NR2F1-AS1: variants seen among roughly 807,000 people sequenced by gnomAD.
NR2F1-AS1 encodes the protein NR2F1 regulatory antisense RNA 1.
intron 4 of NR2F1-AS1, among the ~76,000 whole-genome samples, chr5:93,503,061 TA>T (rs2149886761): frequency 6.6e-6 from 1 of 152,222 alleles, no homozygotes; most frequent in East Asian, 1.9e-4. Flanking sequence ...CCTCATTTTC[TA>T]GTTTTGACTC....
intron 4 of NR2F1-AS1, among the ~76,000 whole-genome samples, chr5:93,507,691 A>G (rs1464228437): frequency 6.6e-6 from 1 of 152,182 alleles, no homozygotes; most frequent in Non-Finnish European, 1.5e-5. Context: ...GAATTGAAAA[A>G]ATAAAAATTA....
At chr5:93,496,704 C>T (rs1283257759) in intron 4 of NR2F1-AS1, among the ~76,000 whole-genome samples, 1 of 152,158 alleles carries the variant, frequency 6.6e-6, no homozygotes, top group African/African-American at 2.4e-5. Context: ...TTACATACCA[C>T]AATTTTTGTG....
chr5:93,571,409 T>G (rs1213053763), intron 1 of NR2F1-AS1: 4 of 149,668 alleles, frequency 2.7e-5, no homozygotes, highest in Middle Eastern at 6.8e-3. Context: ...CGGCAGGGAA[T>G]CCTGAGTTCC....
At chr5:93,468,119 G>A (rs528028075) in intron 4 of NR2F1-AS1, among the ~76,000 whole-genome samples, 160 of 152,280 alleles carry the variant, frequency 1.1e-3, no homozygotes, top group Middle Eastern at 6.8e-3. Context: ...AAACATACAC[G>A]TGCATGTGTC....
intron 4 of NR2F1-AS1, among the ~76,000 whole-genome samples, chr5:93,539,566 C>T (rs1014899691): frequency 6.6e-6 from 1 of 151,912 alleles, no homozygotes; most frequent in African/African-American, 2.4e-5. Context: ...ATTATAGAGG[C>T]AGAGAGAACA....
chr5:93,562,528 A>C (rs1006416957), intron 2 of NR2F1-AS1, among the ~76,000 whole-genome samples: 1 of 152,194 alleles, frequency 6.6e-6, no homozygotes, highest in Non-Finnish European at 1.5e-5. Context: ...TCCTGAGCTC[A>C]AGCGATCCAT....
chr5:93,513,584 A>G lies in NR2F1-AS1; in HGVS notation n.638+40177T>C, dbSNP rs553269711. ...AAACAAACACTATATATTCTCACTTATAAGTGGGAGCTAAACAATGGGTAC... is the reference window on the plus strand; with the variant it reads ...AAACAAACACTATATATTCTCACTTGTAAGTGGGAGCTAAACAATGGGTAC... On this transcript the variant is annotated intron_variant and non_coding_transcript_variant, in intron 4 of 5. Transcript: ENST00000660523. Among the ~76,000 whole-genome samples, 39 of 152,302 alleles carry G rather than the reference A, an allele frequency of 2.6e-4. No homozygotes were observed. The South Asian group carries it at 8.1e-3, about 32-fold the overall frequency.
At chr5:93,493,929 T>C (rs1750904747) in intron 4 of NR2F1-AS1, among the ~76,000 whole-genome samples, 1 of 152,190 alleles carries the variant, frequency 6.6e-6, no homozygotes, top group Non-Finnish European at 1.5e-5. Context: ...TTCATGACTT[T>C]AGATTTGGTA....
chr5:93,445,014 C>A (rs1284667267), intron 4 of NR2F1-AS1, among the ~76,000 whole-genome samples: 3 of 152,098 alleles, frequency 2.0e-5, no homozygotes, highest in African/African-American at 7.2e-5. Context: ...AGAACAAAGA[C>A]AAAACATACC....
At chr5:93,482,470 C>T (rs1197966780) in intron 4 of NR2F1-AS1, among the ~76,000 whole-genome samples, 1 of 152,108 alleles carries the variant, frequency 6.6e-6, no homozygotes, top group Non-Finnish European at 1.5e-5. Context: ...CAGGAGATTC[C>T]CTCCAGTGCC....
chr5:93,499,979 A>C (rs1751044099), intron 4 of NR2F1-AS1, among the ~76,000 whole-genome samples: 1 of 152,204 alleles, frequency 6.6e-6, no homozygotes, highest in South Asian at 2.1e-4. Flanking sequence ...AGAAGCTGCG[A>C]AAGAAAGATT....
At chr5:93,537,376 C>G (rs976154799) in intron 4 of NR2F1-AS1, among the ~76,000 whole-genome samples, 1 of 152,098 alleles carries the variant, frequency 6.6e-6, no homozygotes, top group Admixed American at 6.6e-5. Context: ...AAATATTCTC[C>G]TATTCTCCTA....
chr5:93,571,637 G>A (rs1439427646), intron 1 of NR2F1-AS1, among the ~76,000 whole-genome samples: 1 of 152,026 alleles, frequency 6.6e-6, no homozygotes, highest in East Asian at 1.9e-4. Context: ...AGCTCAGGGA[G>A]GAAGGCAGAC....
upstream of NR2F1-AS1, among the ~76,000 whole-genome samples, chr5:93,582,739 G>T (rs1441159764): frequency 6.6e-6 from 1 of 150,966 alleles, no homozygotes; most frequent in East Asian, 2.0e-4. Flanking sequence ...TCTCCCCCTC[G>T]TCATCCCTTC....
At chr5:93,425,604 A>G (rs1580212396) in intron 4 of NR2F1-AS1, among the ~76,000 whole-genome samples, 1 of 152,132 alleles carries the variant, frequency 6.6e-6, no homozygotes. Context: ...ATTCACACAC[A>G]TGCTCATGCT....
intron 4 of NR2F1-AS1, among the ~76,000 whole-genome samples, chr5:93,528,450 T>C (rs1358957532): frequency 6.6e-6 from 1 of 152,168 alleles, no homozygotes; most frequent in East Asian, 1.9e-4. Flanking sequence ...ACACTGTTGG[T>C]AGAGTATAAA....
intron 2 of NR2F1-AS1, among the ~76,000 whole-genome samples, chr5:93,558,319 C>CTT (rs776183434): frequency 1.1e-4 from 15 of 138,974 alleles, no homozygotes; most frequent in Non-Finnish European, 7.9e-5. Context: ...AAATGTATTT[C>CTT]TTTTTTTTTT....
chr5:93,410,149 C>T (rs910800174), intron 4 of NR2F1-AS1: 1 of 143,524 alleles, frequency 7.0e-6, no homozygotes, highest in Non-Finnish European at 1.5e-5. Flanking sequence ...AAAAATTAGA[C>T]AGTCATTTAA....
chr5:93,557,255 T>A (rs1752378645), intron 2 of NR2F1-AS1, among the ~76,000 whole-genome samples: 1 of 152,166 alleles, frequency 6.6e-6, no homozygotes, highest in South Asian at 2.1e-4. Flanking sequence ...ATCTGACCCA[T>A]AATACAACCA....
Sources: gnomAD v4.1 joint callset for allele counts (sites outside exome capture counted in the v4.1 genomes callset) on GRCh38, gnomAD v4.1.1 for gene constraint, MANE v1.5 for transcripts, NCBI Gene and HGNC (gene_info 2026-07-23, HGNC 2026-07-21) for gene names.